Variants in SEMA3A observed in about 807,000 individuals in gnomAD.
The protein encoded by SEMA3A is semaphorin 3A.
A neutral mutation model predicts 97.9 loss-of-function variants in SEMA3A; 29 were observed. That is an observed-to-expected ratio of 0.30 (90% confidence interval 0.22 to 0.40). The LOEUF (loss-of-function observed/expected upper bound fraction) is 0.40, where lower values mean the gene tolerates loss of function less well. SEMA3A is among the 10% of genes least tolerant of loss of function. The pLI is 1.00. For synonymous variants in SEMA3A, 321 were observed against 323.7 expected, an observed-to-expected ratio of 0.99 and a Z score of 0.09; for missense variants, 763 against 951.3, an observed-to-expected ratio of 0.80 and a Z score of 2.60.
chr7:84,360,007 T>C (rs28856274), intron 2 of SEMA3A, among the ~76,000 whole-genome samples: 34,071 of 137,892 alleles, frequency 0.25, 4,660 homozygotes, highest in African/African-American at 0.33. Context: ...TTTTTTATTG[T>C]GTCTATTTGA....
chr7:84,270,754 T>C (rs1034738678), intron 3 of SEMA3A, among the ~76,000 whole-genome samples: 1 of 151,216 alleles, frequency 6.6e-6, no homozygotes, highest in Admixed American at 6.6e-5. Flanking sequence ...TAGGAATAAG[T>C]GTTATTGGTT....
chr7:84,010,417 A>G (rs896814864), intron 9 of SEMA3A, among the ~76,000 whole-genome samples: 4 of 152,190 alleles, frequency 2.6e-5, no homozygotes, highest in Non-Finnish European at 4.4e-5. Context: ...GAATGCAGAA[A>G]AGTGTAGCAA....
chr7:83,967,601 A>T (rs1039264806), intron 15 of SEMA3A, among the ~76,000 whole-genome samples: 1 of 152,012 alleles, frequency 6.6e-6, no homozygotes, highest in Non-Finnish European at 1.5e-5. Context: ...CAAAAATACA[A>T]AAAATTAGTG....
At chr7:84,409,299 C>T (rs1253108061) in intron 1 of SEMA3A, among the ~76,000 whole-genome samples, 2 of 151,172 alleles carry the variant, frequency 1.3e-5, no homozygotes, top group African/African-American at 4.9e-5. Context: ...ACCACATGTA[C>T]CCCATAAATA....
intron 2 of SEMA3A, among the ~76,000 whole-genome samples, chr7:84,307,507 G>C (rs1801190412): frequency 6.6e-6 from 1 of 152,082 alleles, no homozygotes; most frequent in African/African-American, 2.4e-5. Flanking sequence ...CCAAACAAAT[G>C]ACAATTTGTA....
At chr7:84,005,299 T>C in intron 11 of SEMA3A, 40 bp downstream of exon 11, 1 of 1,405,638 alleles carries the variant, frequency 7.1e-7, no homozygotes, top group South Asian at 1.2e-5. Context: ...TTAAACATAG[T>C]GTTCGGAAAA....
At chr7:84,214,088 C>T (rs1056755427) in intron 3 of SEMA3A, among the ~76,000 whole-genome samples, 2 of 152,128 alleles carry the variant, frequency 1.3e-5, no homozygotes, top group African/African-American at 4.8e-5. Flanking sequence ...TAATAACATG[C>T]ATCAGTTTTC....
intron 1 of SEMA3A, among the ~76,000 whole-genome samples, chr7:84,374,161 A>G (rs1803043558): frequency 6.6e-6 from 1 of 152,230 alleles, no homozygotes; most frequent in African/African-American, 2.4e-5. Context: ...ACTGCATGTC[A>G]ATGAGAACAA....
intron 1 of SEMA3A, among the ~76,000 whole-genome samples, chr7:84,426,275 G>GATAT (rs1804825638): frequency 1.9e-5 from 2 of 103,612 alleles, no homozygotes; most frequent in African/African-American, 8.2e-5. Context: ...TAGATATATA[G>GATAT]ACAGATAGAT....
chr7:84,269,299 C>A (rs1231139231), intron 3 of SEMA3A, among the ~76,000 whole-genome samples: 4 of 151,976 alleles, frequency 2.6e-5, no homozygotes, highest in African/African-American at 9.7e-5. Context: ...TATATTTTAA[C>A]AAAACCTATA....
intron 2 of SEMA3A, among the ~76,000 whole-genome samples, chr7:84,312,936 A>T (rs13235117): frequency 7.6e-6 from 1 of 132,060 alleles, no homozygotes; most frequent in Non-Finnish European, 1.6e-5. Flanking sequence ...ACACACACAC[A>T]CACACACGTA....
intron 2 of SEMA3A, among the ~76,000 whole-genome samples, chr7:84,323,206 T>C (rs1801693273): frequency 6.6e-6 from 1 of 152,226 alleles, no homozygotes; most frequent in African/African-American, 2.4e-5. Context: ...AGATTGACTT[T>C]AATTAAACTA....
At chr7:83,971,654 C>A (rs913439123) in intron 15 of SEMA3A, among the ~76,000 whole-genome samples, 24 of 152,028 alleles carry the variant, frequency 1.6e-4, no homozygotes, top group Admixed American at 2.6e-4. Flanking sequence ...CATGTACCAA[C>A]AAATGAATGC....
chr7:84,020,755 A>G (rs937926523), intron 6 of SEMA3A, among the ~76,000 whole-genome samples: 4 of 152,108 alleles, frequency 2.6e-5, no homozygotes, highest in Non-Finnish European at 5.9e-5. Flanking sequence ...TTCTTGTTTT[A>G]TAATCTTAAT....
chr7:84,265,394 C>T (rs1417176008), intron 3 of SEMA3A, among the ~76,000 whole-genome samples: 4 of 148,944 alleles, frequency 2.7e-5, no homozygotes, highest in African/African-American at 4.9e-5. Flanking sequence ...ACTGTAACTG[C>T]GTTCTGCTTT....
At chr7:84,098,562 G>A (rs1349974340) in intron 4 of SEMA3A, among the ~76,000 whole-genome samples, 1 of 151,982 alleles carries the variant, frequency 6.6e-6, no homozygotes, top group Admixed American at 6.6e-5. Context: ...ATCTTTTAAA[G>A]GACTCTGTGA....
intron 1 of SEMA3A, among the ~76,000 whole-genome samples, chr7:84,428,246 T>G (rs1804878757): frequency 6.6e-6 from 1 of 152,138 alleles, no homozygotes; most frequent in Non-Finnish European, 1.5e-5. Context: ...TGAAGTGAAT[T>G]TGATATGCTT....
chr7:84,331,863 G>A (rs1801918397), intron 2 of SEMA3A, among the ~76,000 whole-genome samples: 1 of 152,114 alleles, frequency 6.6e-6, no homozygotes, highest in African/African-American at 2.4e-5. Flanking sequence ...CAATCTGCTG[G>A]AGTAAAATAG....
At chr7:84,212,173 G>C (rs1798644350) in intron 3 of SEMA3A, among the ~76,000 whole-genome samples, 1 of 152,166 alleles carries the variant, frequency 6.6e-6, no homozygotes, top group Admixed American at 6.5e-5. Context: ...CAAACTACAA[G>C]AGAAATAATT....
Sources: allele counts gnomAD v4.1 joint callset (sites outside exome capture counted in the v4.1 genomes callset), GRCh38; gene constraint gnomAD v4.1.1; transcripts MANE v1.5; gene names NCBI Gene and HGNC (gene_info 2026-07-23, HGNC 2026-07-21).